The following SLC25A21 variants were observed in gnomAD, a reference collection of about 807,000 sequenced individuals.
SLC25A21 encodes the protein solute carrier family 25 member 21.
Under a neutral mutation model 43.8 loss-of-function variants are expected in SLC25A21, and 47 were observed. The ratio of observed to expected loss-of-function variants is 1.07; its 90% CI spans 0.85 to 1.37. The LOEUF (loss-of-function observed/expected upper bound fraction) is 1.37. Ranked by LOEUF, SLC25A21 falls within the 40% of genes most tolerant of loss-of-function variation. The pLI, the probability that SLC25A21 is intolerant of heterozygous loss-of-function variation, is 0.00. For missense variants in SLC25A21, 352 were observed against 350.2 expected (o/e 1.00, Z -0.04); for synonymous variants, 131 against 121.3 (o/e 1.08, Z -0.52).
intron 1 of SLC25A21, among the ~76,000 whole-genome samples, chr14:37,084,816 T>C (rs1277339039): frequency 6.6e-6 from 1 of 152,190 alleles, no homozygotes; most frequent in Non-Finnish European, 1.5e-5. Flanking sequence ...AGATTCAAGA[T>C]TGTGTAGTAC....
intron 5 of SLC25A21, among the ~76,000 whole-genome samples, chr14:36,729,128 C>T (rs1461091718): frequency 1.3e-5 from 2 of 152,204 alleles, no homozygotes; most frequent in African/African-American, 4.8e-5. Context: ...ATATTTACTA[C>T]AGCTGGTGCA....
intron 2 of SLC25A21, among the ~76,000 whole-genome samples, chr14:36,826,400 T>C (rs1466125768): frequency 1.3e-5 from 2 of 152,164 alleles, no homozygotes; most frequent in Non-Finnish European, 2.9e-5. Flanking sequence ...TTGTGCTGTT[T>C]TCTCTCTTTT....
chr14:37,143,345 T>C (rs1325855800), intron 1 of SLC25A21, among the ~76,000 whole-genome samples: 1 of 152,202 alleles, frequency 6.6e-6, no homozygotes, highest in South Asian at 2.1e-4. Context: ...CTTTCTGCAC[T>C]GCACATTCCT....
At chr14:37,116,574 C>A (rs1216881523) in intron 1 of SLC25A21, among the ~76,000 whole-genome samples, 1 of 151,830 alleles carries the variant, frequency 6.6e-6, no homozygotes, top group African/African-American at 2.4e-5. Flanking sequence ...TGAAAGAATC[C>A]AGCTGAGAAA....
At chr14:37,005,035 C>T (rs985073372) in intron 1 of SLC25A21, among the ~76,000 whole-genome samples, 2 of 151,530 alleles carry the variant, frequency 1.3e-5, no homozygotes, top group Admixed American at 1.3e-4. Flanking sequence ...TCTCAACCAG[C>T]CGTCCAATGG....
intron 1 of SLC25A21, among the ~76,000 whole-genome samples, chr14:36,911,766 C>A (rs759749562): frequency 3.9e-4 from 60 of 152,196 alleles, no homozygotes; most frequent in Non-Finnish European, 7.2e-4. Flanking sequence ...GGAGGATAAC[C>A]CACATGAGCC....
At chr14:36,726,343 G>A (rs981721816) in intron 5 of SLC25A21, among the ~76,000 whole-genome samples, 5 of 152,274 alleles carry the variant, frequency 3.3e-5, no homozygotes, top group African/African-American at 1.2e-4. Flanking sequence ...TGAAGTGGGA[G>A]GATCACTTGA....
intron 1 of SLC25A21, among the ~76,000 whole-genome samples, chr14:36,980,608 G>T (rs1190767441): frequency 6.6e-6 from 1 of 152,136 alleles, no homozygotes; most frequent in Non-Finnish European, 1.5e-5. Flanking sequence ...GTCATTTAAG[G>T]TCTTCTCTAT....
At chr14:37,133,945 C>G (rs1963434279) in intron 1 of SLC25A21, among the ~76,000 whole-genome samples, 1 of 152,302 alleles carries the variant, frequency 6.6e-6, no homozygotes, top group South Asian at 2.1e-4. Flanking sequence ...CAGGACCCAA[C>G]TTATACCATG....
chr14:36,961,307 G>A (rs990661195), intron 1 of SLC25A21, among the ~76,000 whole-genome samples: 18 of 151,956 alleles, frequency 1.2e-4, no homozygotes, highest in Non-Finnish European at 7.4e-5. Flanking sequence ...TGCCTTCCGG[G>A]TTCACGCCAT....
chr14:36,834,823 G>A (rs712358), intron 2 of SLC25A21, among the ~76,000 whole-genome samples: 41,441 of 151,928 alleles, frequency 0.27, 5,730 homozygotes, highest in East Asian at 0.31. Context: ...TTTTTGTCAA[G>A]TGACATTAAA....
intron 1 of SLC25A21, among the ~76,000 whole-genome samples, chr14:36,890,901 C>T (rs553748184): frequency 3.3e-5 from 5 of 152,112 alleles, no homozygotes; most frequent in Middle Eastern, 3.4e-3. Context: ...CAATGCATGT[C>T]GTAAAGAAAT....
At chr14:36,845,144 G>A (rs1436295711) in intron 2 of SLC25A21, among the ~76,000 whole-genome samples, 1 of 152,160 alleles carries the variant, frequency 6.6e-6, no homozygotes, top group African/African-American at 2.4e-5. Flanking sequence ...AGGCTGCAAA[G>A]TAGCTTCTCC....
At chr14:36,731,198 C>A (rs1033401623) in intron 4 of SLC25A21, among the ~76,000 whole-genome samples, 6 of 152,184 alleles carry the variant, frequency 3.9e-5, no homozygotes, top group African/African-American at 1.4e-4. Flanking sequence ...TGGTCTCGAT[C>A]TCCTGACCTC....
chr14:36,833,709 T>C (rs901908362), intron 2 of SLC25A21, among the ~76,000 whole-genome samples: 4 of 152,144 alleles, frequency 2.6e-5, no homozygotes, highest in African/African-American at 4.8e-5. Flanking sequence ...CAGGAAGCAA[T>C]AGTAAAAAGA....
chr14:37,017,941 T>G (rs1467856959), intron 1 of SLC25A21, among the ~76,000 whole-genome samples: 1 of 152,010 alleles, frequency 6.6e-6, no homozygotes, highest in Non-Finnish European at 1.5e-5. Flanking sequence ...CCCTTTCATG[T>G]ACCTAAATTT....
At chr14:36,896,795 TG>T (rs1182450118) in intron 1 of SLC25A21, among the ~76,000 whole-genome samples, 1 of 152,204 alleles carries the variant, frequency 6.6e-6, no homozygotes, top group East Asian at 1.9e-4. Flanking sequence ...CCTTCACTTC[TG>T]AAGCTTAGTT....
At chr14:36,931,881 T>C (rs1189819613) in intron 1 of SLC25A21, among the ~76,000 whole-genome samples, 1 of 152,186 alleles carries the variant, frequency 6.6e-6, no homozygotes, top group East Asian at 1.9e-4. Context: ...TAAATTAATT[T>C]CCAACGATTT....
chr14:36,808,851 C>A (rs1462064798), intron 3 of SLC25A21: 3 of 152,104 alleles, frequency 2.0e-5, no homozygotes, highest in Non-Finnish European at 4.4e-5. Flanking sequence ...CTGTTTAACT[C>A]CTATTTTTGC....
Sources: gnomAD v4.1 joint callset for allele counts (sites outside exome capture counted in the v4.1 genomes callset) on GRCh38, gnomAD v4.1.1 for gene constraint, MANE v1.5 for transcripts, NCBI Gene and HGNC (gene_info 2026-07-23, HGNC 2026-07-21) for gene names.